SPIDR: variants seen among roughly 807,000 people sequenced by gnomAD.
SPIDR encodes the protein DNA repair-scaffolding protein.
Under a neutral mutation model 104.6 loss-of-function variants are expected in SPIDR, and 93 were observed. The ratio of observed to expected loss-of-function variants is 0.89; its 90% CI spans 0.75 to 1.06. SPIDR has a LOEUF of 1.06. Ranked by LOEUF, SPIDR falls within the 50% of genes least tolerant of loss-of-function variation. The probability of loss-of-function intolerance (pLI) is 0.00; values close to 1 mark genes in which losing one functional copy is unlikely to be tolerated. For synonymous variants in SPIDR, 431 were observed against 416.9 expected, an observed-to-expected ratio of 1.03 and a Z score of -0.41; for missense variants, 1,154 against 1,111.2, an observed-to-expected ratio of 1.04 and a Z score of -0.55.
Position 47,611,269 on chromosome 8 carries a change from A to G in SPIDR, c.1544+12073A>G, listed in dbSNP as rs1277518310. Among the ~76,000 whole-genome samples, 10 of 152,330 alleles carry G rather than the reference A, an allele frequency of 6.6e-5. No homozygotes were observed. The East Asian group carries it at 1.7e-3, about 26-fold the overall frequency. ...GATGTCTAGTCTGTTCCAATCAGAT[A>G]GAGGATGAGACACTGGGAACCAAGG... On this transcript the variant is annotated intron_variant, in intron 10 of 19. Coordinates refer to ENST00000297423, the MANE Select transcript of SPIDR (RefSeq NM_001080394.4).
chr8:47,640,993 G>A (rs1011530887), intron 10 of SPIDR, among the ~76,000 whole-genome samples: 3 of 150,862 alleles, frequency 2.0e-5, no homozygotes, highest in Non-Finnish European at 4.4e-5. Flanking sequence ...GATTACAGGC[G>A]GGAGCCACTG....
chr8:47,404,093 A>T (rs2062342797), intron 6 of SPIDR, among the ~76,000 whole-genome samples: 1 of 152,220 alleles, frequency 6.6e-6, no homozygotes, highest in African/African-American at 2.4e-5. Context: ...AGAAAGAAGA[A>T]ATGGGGAAAG....
At chr8:47,350,888 A>C (rs1193419425) in intron 5 of SPIDR, among the ~76,000 whole-genome samples, 2 of 152,188 alleles carry the variant, frequency 1.3e-5, no homozygotes, top group African/African-American at 4.8e-5. Flanking sequence ...TTAAATGGAA[A>C]ATTCTAGGAG....
At chr8:47,600,586 T>A (rs2062148531) in intron 10 of SPIDR, among the ~76,000 whole-genome samples, 1 of 152,238 alleles carries the variant, frequency 6.6e-6, no homozygotes, top group East Asian at 1.9e-4. Context: ...TAAAATCCAT[T>A]AAATCAGTTT....
intron 5 of SPIDR, among the ~76,000 whole-genome samples, chr8:47,327,694 C>G (rs961229543): frequency 1.3e-5 from 2 of 152,138 alleles, no homozygotes; most frequent in Non-Finnish European, 2.9e-5. Context: ...TCCCAAGTAG[C>G]TGGGATTACA....
intron 8 of SPIDR, among the ~76,000 whole-genome samples, chr8:47,524,620 G>C (rs1009793957): frequency 6.6e-6 from 1 of 152,216 alleles, no homozygotes; most frequent in Non-Finnish European, 1.5e-5. Flanking sequence ...GGCACGTCTT[G>C]CGGGTGCCTG....
intron 11 of SPIDR, among the ~76,000 whole-genome samples, chr8:47,693,139 A>G (rs541327053): frequency 1.4e-4 from 22 of 152,336 alleles, no homozygotes; most frequent in Admixed American, 1.4e-3. Flanking sequence ...ATCTTGTTGG[A>G]GGAAATCCAT....
intron 5 of SPIDR, among the ~76,000 whole-genome samples, chr8:47,308,109 T>C (rs925204500): frequency 6.6e-6 from 1 of 152,086 alleles, no homozygotes; most frequent in Non-Finnish European, 1.5e-5. Flanking sequence ...TTGCCCAGGC[T>C]GGAGTGCAGT....
intron 7 of SPIDR, among the ~76,000 whole-genome samples, chr8:47,436,349 T>C (rs1208909561): frequency 6.6e-6 from 1 of 152,238 alleles, no homozygotes; most frequent in Non-Finnish European, 1.5e-5. Flanking sequence ...AGCACTAAAA[T>C]GGCCTTTTAT....
At chr8:47,364,709 C>T (rs141536836) in intron 5 of SPIDR, among the ~76,000 whole-genome samples, 11 of 152,204 alleles carry the variant, frequency 7.2e-5, no homozygotes, top group African/African-American at 2.2e-4. Flanking sequence ...GAAGTCTTTT[C>T]GGTGGCATTT....
At chr8:47,517,141 C>A (rs770711010) in intron 8 of SPIDR, among the ~76,000 whole-genome samples, 1 of 151,994 alleles carries the variant, frequency 6.6e-6, no homozygotes, top group Non-Finnish European at 1.5e-5. Flanking sequence ...CCTGCCACCA[C>A]GCCCAGCTAA....
chr8:47,472,092 C>T (rs539795107), intron 8 of SPIDR, among the ~76,000 whole-genome samples: 1 of 152,316 alleles, frequency 6.6e-6, no homozygotes, highest in East Asian at 1.9e-4. Context: ...TGCAGTAACC[C>T]TCAGAGTTTT....
chr8:47,645,882 G>A (rs929009639), intron 10 of SPIDR, among the ~76,000 whole-genome samples: 7 of 152,288 alleles, frequency 4.6e-5, no homozygotes, highest in East Asian at 1.9e-4. Context: ...AACTGAAATC[G>A]TAAAAGTTCT....
intron 5 of SPIDR, among the ~76,000 whole-genome samples, chr8:47,319,294 CCTA>C (rs1205172174): frequency 1.3e-5 from 2 of 152,116 alleles, no homozygotes; most frequent in Admixed American, 1.3e-4. Context: ...GGGTTTCAAT[CCTA>C]GTCTCTGATA....
At chr8:47,723,522 CG>C (rs1563668566) in intron 16 of SPIDR, among the ~76,000 whole-genome samples, 1 of 151,404 alleles carries the variant, frequency 6.6e-6, no homozygotes, top group Non-Finnish European at 1.5e-5. Context: ...CTCCGCCTCC[CG>C]GGTTCATGCC....
chr8:47,703,166 A>G (rs536006733), intron 14 of SPIDR, among the ~76,000 whole-genome samples: 1 of 152,346 alleles, frequency 6.6e-6, no homozygotes, highest in Non-Finnish European at 1.5e-5. Flanking sequence ...TCTTCAAAGC[A>G]TTCATGGTTG....
At chr8:47,536,677 A>C (rs2086969301) in intron 8 of SPIDR, among the ~76,000 whole-genome samples, 1 of 152,204 alleles carries the variant, frequency 6.6e-6, no homozygotes, top group African/African-American at 2.4e-5. Flanking sequence ...AAGATAGAAG[A>C]GAATCTAGAT....
At chr8:47,378,354 TA>T (rs1186797130) in intron 5 of SPIDR, among the ~76,000 whole-genome samples, 1 of 152,244 alleles carries the variant, frequency 6.6e-6, no homozygotes, top group Non-Finnish European at 1.5e-5. Context: ...TCAAATTCCT[TA>T]ATACTAAAGT....
intron 10 of SPIDR, among the ~76,000 whole-genome samples, chr8:47,621,301 C>G (rs2065138450): frequency 6.6e-6 from 1 of 152,236 alleles, no homozygotes; most frequent in African/African-American, 2.4e-5. Flanking sequence ...GTGACCATCA[C>G]CACTATCTAA....
Sources: gnomAD v4.1 joint callset for allele counts (sites outside exome capture counted in the v4.1 genomes callset) on GRCh38, gnomAD v4.1.1 for gene constraint, MANE v1.5 for transcripts, NCBI Gene and HGNC (gene_info 2026-07-23, HGNC 2026-07-21) for gene names.